Variants in PAQR3 observed in about 807,000 individuals in gnomAD.
PAQR3 encodes Raf kinase trapping to Golgi.
In PAQR3, 39 loss-of-function variants were observed where a neutral mutation model predicts 41.7. That is an observed-to-expected ratio of 0.93 (90% CI 0.72 to 1.22). PAQR3 has a LOEUF of 1.22. Ranked by LOEUF, PAQR3 falls within the 50% of genes most tolerant of loss-of-function variation. The probability of loss-of-function intolerance (pLI) is 0.00; values close to 1 mark genes in which losing one functional copy is unlikely to be tolerated. For missense variants in PAQR3, 366 were observed against 385.6 expected, an observed-to-expected ratio of 0.95 and a Z score of 0.42; for synonymous variants, 140 against 140.6, an observed-to-expected ratio of 1.00 and a Z score of 0.03.
At chr4:78,924,753 C>T (rs1736021714) in intron 4 of PAQR3, among the ~76,000 whole-genome samples, 1 of 149,624 alleles carries the variant, frequency 6.7e-6, no homozygotes, top group African/African-American at 2.5e-5. Context: ...TGGTGGTGCA[C>T]ACCTATAGTC....
At position 78,926,605 on chromosome 4, in the gene PAQR3, G is replaced by T. The variant is rs764812770; in HGVS notation, c.618C>A (p.Ile206=). 3.1e-6 allele frequency: 5 copies of T among 1,614,002 alleles called. No homozygotes were observed. The South Asian group carries it at 4.4e-5, about 14-fold the overall frequency. ...CTCCATATCCCGAAACAGAACAAAA[G>T]ATGATAGAACGGAGCCTTTGCCATT... ...TQQWQRLRSI[I]FCSVSGYGVI... is the part of the protein sequence containing the mutation. The change falls in exon 4 of 6, where the codon ATC becomes ATA. Residue 206 remains isoleucine, a synonymous_variant. Transcript: ENST00000512733.
chr4:78,891,634 T>C (rs933228767), intron 11 of PAQR3, among the ~76,000 whole-genome samples: 11 of 152,252 alleles, frequency 7.2e-5, no homozygotes, highest in African/African-American at 2.7e-4. Flanking sequence ...TATTTCTGAT[T>C]GCAAATAACA....
intron 2 of PAQR3, chr4:78,932,998 C>G: frequency 2.8e-6 from 1 of 352,410 alleles, no homozygotes; most frequent in Non-Finnish European, 5.7e-6. Context: ...AACAAAATAC[C>G]TCATGATTTG....
At chr4:78,900,197 T>A (rs1021929978) in intron 11 of PAQR3, among the ~76,000 whole-genome samples, 1 of 152,226 alleles carries the variant, frequency 6.6e-6, no homozygotes, top group African/African-American at 2.4e-5. Flanking sequence ...GTAGTAAATA[T>A]CTTATTGACA....
intron 11 of PAQR3, among the ~76,000 whole-genome samples, chr4:78,904,323 T>A (rs1426137): frequency 0.069 from 10,499 of 151,908 alleles, 511 homozygotes; most frequent in East Asian, 0.22. Context: ...AGATAAGAGG[T>A]AATATATGAA....
In PAQR3 at chr4:78,892,237, T is replaced by A. The variant is rs190412949; in HGVS notation, c.*837-4089A>T. Among the ~76,000 whole-genome samples, 820 of 152,324 alleles carry A rather than the reference T, an allele frequency of 5.4e-3. 7 individuals carry two copies. Among genetic ancestry groups the A allele is most frequent in the African/African-American group, 0.019 (798 of 41,576 alleles). ...CAAGTTACCTTTGTGAAAAGGTTTTTAATTACATATTTAATATCTTTAATA... is the reference window on the plus strand; with the variant it reads ...CAAGTTACCTTTGTGAAAAGGTTTTAAATTACATATTTAATATCTTTAATA... On this transcript the variant is annotated intron_variant and NMD_transcript_variant, in intron 11 of 12. Transcript: ENST00000342820.
chr4:78,935,722 G>A (rs1005995251), intron 1 of PAQR3, among the ~76,000 whole-genome samples: 4 of 152,132 alleles, frequency 2.6e-5, no homozygotes, highest in Non-Finnish European at 2.9e-5. Context: ...TCAATAATAC[G>A]TATCTGAAAA....
Position 78,894,278 on chromosome 4 carries a change from T to G in PAQR3, c.*837-6130A>C, listed in dbSNP as rs1733586716. 4.6e-5 allele frequency among the ~76,000 whole-genome samples: 7 copies of G among 152,220 alleles called. 1 individual carries two copies. In the South Asian group the frequency reaches 1.0e-3, roughly 22 times the overall value. On this transcript the variant is annotated intron_variant and NMD_transcript_variant, in intron 11 of 12. Transcript: ENST00000342820. ...TGAATCTTTGAAGCCAGACATGGAC[T>G]TAACTATAGCTCTAAAAGTCCTAGA...
chr4:78,910,648 C>A, downstream of PAQR3: 1 of 1,560,960 alleles, frequency 6.4e-7, no homozygotes. Flanking sequence ...ATCTATAAAT[C>A]AAGAAAATGG....
intron 11 of PAQR3, among the ~76,000 whole-genome samples, chr4:78,892,561 T>A (rs573926236): frequency 5.0e-4 from 76 of 152,330 alleles, no homozygotes; most frequent in South Asian, 2.9e-3. Context: ...CTAAAATTTT[T>A]ATGTTTTCTT....
chr4:78,930,888 ATATATATATATAT>A (rs1437403794), intron 2 of PAQR3, among the ~76,000 whole-genome samples: 1 of 130,112 alleles, frequency 7.7e-6, no homozygotes, highest in African/African-American at 3.0e-5. Flanking sequence ...CATTATATAT[ATATATATATATAT>A]ATATACACAC....
Position 78,919,497 on chromosome 4 carries a change from A to G in PAQR3, c.*1042T>C. 3.0e-6 allele frequency: 3 copies of G among 985,114 alleles called. No individual in the cohort carries two copies. The highest frequency in any genetic ancestry group is 3.6e-6 in the Non-Finnish European group (3 of 829,748). The allele number at this position is 985,114 out of a possible 1,614,324, so 61.0% of individuals were successfully genotyped here. A position where few individuals can be genotyped will look rare whatever the true frequency, so the allele number is the denominator to read the frequency against. The stretch of plus-strand genomic sequence containing the variant: ...ATCAAGATTCTGAGTTATCAATGCA[A>G]TGCTAACACATGCAGAAACCGAGGA... On this transcript the variant is annotated 3_prime_UTR_variant, in exon 6 of 6. Transcript: ENST00000512733.
At chr4:78,896,517 T>C (rs1447822350) in intron 11 of PAQR3, among the ~76,000 whole-genome samples, 1 of 152,122 alleles carries the variant, frequency 6.6e-6, no homozygotes, top group African/African-American at 2.4e-5. Context: ...GGGTTTTTAG[T>C]GATTAATAAG....
At chr4:78,887,178 G>T in exon 13 of PAQR3, 2 of 1,594,502 alleles carry the variant, frequency 1.3e-6, no homozygotes, top group Non-Finnish European at 1.7e-6. Context: ...TTGCAGATAG[G>T]CTCGAGGAGA....
In PAQR3 at chr4:78,919,029, A is replaced by T; in HGVS notation, c.*1510T>A. Reference sequence around the variant, plus strand: ...TCCTTTACTGAGCCTCCTGGGGGGAAATTCTCTTTGCTGAGATACTATACT... The same window carrying T: ...TCCTTTACTGAGCCTCCTGGGGGGATATTCTCTTTGCTGAGATACTATACT... On this transcript the variant is annotated 3_prime_UTR_variant, in exon 6 of 6. Coordinates refer to ENST00000512733, the MANE Select transcript of PAQR3 (RefSeq NM_001040202.2). The T allele has an allele frequency of 2.0e-6, 2 of 985,054 alleles. No individual in the cohort carries two copies. The highest frequency in any genetic ancestry group is 2.4e-6 in the Non-Finnish European group (2 of 829,742). 61.0% of individuals were successfully genotyped at this position (985,054 alleles called of 1,614,324 possible).
At chr4:78,928,949 C>T (rs1454364538) in intron 3 of PAQR3, among the ~76,000 whole-genome samples, 7 of 152,364 alleles carry the variant, frequency 4.6e-5, no homozygotes, top group Admixed American at 1.3e-4. Context: ...AAATCCTTTG[C>T]ATGTGCAGTT....
intron 2 of PAQR3, among the ~76,000 whole-genome samples, chr4:78,932,812 C>T (rs1163739603): frequency 6.6e-6 from 1 of 151,962 alleles, no homozygotes; most frequent in Non-Finnish European, 1.5e-5. Flanking sequence ...ACCTAGTATG[C>T]CCTGTTTAAG....
intron 1 of PAQR3, among the ~76,000 whole-genome samples, chr4:78,935,590 G>T (rs1737345377): frequency 6.6e-6 from 1 of 151,968 alleles, no homozygotes; most frequent in Non-Finnish European, 1.5e-5. Flanking sequence ...TTCCCTAATG[G>T]TCAGTACCAT....
At chr4:78,887,206 A>C in exon 13 of PAQR3, 1 of 1,611,418 alleles carries the variant, frequency 6.2e-7, no homozygotes, top group Middle Eastern at 1.7e-4. Context: ...CTCAGATAAG[A>C]ATGTAGACTC....
Sources: allele counts gnomAD v4.1 joint callset (sites outside exome capture counted in the v4.1 genomes callset), GRCh38; gene constraint gnomAD v4.1.1; transcripts MANE v1.5; gene names NCBI Gene and HGNC (gene_info 2026-07-23, HGNC 2026-07-21).